RBFOX1: variants seen among roughly 807,000 people sequenced by gnomAD.
RBFOX1 encodes RNA binding fox-1 homolog 1.
A neutral mutation model predicts 57.7 loss-of-function variants in RBFOX1; 8 were observed. That is an observed-to-expected ratio of 0.14 (90% CI 0.08 to 0.25). The LOEUF (loss-of-function observed/expected upper bound fraction) is 0.25. Ranked by LOEUF, RBFOX1 falls within the 10% of genes least tolerant of loss-of-function variation. The pLI is 1.00. For missense variants in RBFOX1, 611 were observed against 548.5 expected, an observed-to-expected ratio of 1.11 and a Z score of -1.14; for synonymous variants, 326 against 222.4, an observed-to-expected ratio of 1.47 and a Z score of -4.15.
At chr16:7,471,994 A>T (rs978491246) in intron 4 of RBFOX1, among the ~76,000 whole-genome samples, 1 of 152,190 alleles carries the variant, frequency 6.6e-6, no homozygotes, top group African/African-American at 2.4e-5. Context: ...ACAGAGTACA[A>T]ATGAGGTAGT....
In RBFOX1 at chr16:5,469,973, A is replaced by G. The variant is rs538023345; in HGVS notation, c.258+2719A>G. Among the ~76,000 whole-genome samples the G allele has an allele frequency of 2.0e-5, 3 of 152,224 alleles. No homozygotes were observed. The East Asian group carries it at 5.8e-4, about 29-fold the overall frequency. On this transcript the variant is annotated intron_variant, in intron 2 of 2. Coordinates refer to the RBFOX1 transcript ENST00000585867. Reference sequence around the variant, plus strand: ...CCACCATAAACATTTGTGCCCATGTACTTGTCTGAGTTCCTGTTTTTGGTT... The same window carrying G: ...CCACCATAAACATTTGTGCCCATGTGCTTGTCTGAGTTCCTGTTTTTGGTT...
Position 6,329,515 on chromosome 16 carries a change from G to T in RBFOX1, c.-64+12458G>T, listed in dbSNP as rs186983480. The stretch of plus-strand genomic sequence containing the variant: ...CTGAGACAAAAGTTCCAGTGGGACT[G>T]TAAGTCTCATCAAAGAAATAGTGAC... On this transcript the variant is annotated intron_variant, in intron 2 of 15. Coordinates refer to ENST00000550418, the MANE Select transcript of RBFOX1 (RefSeq NM_018723.4). Among the ~76,000 whole-genome samples, 24 of 152,294 alleles carry T rather than the reference G, an allele frequency of 1.6e-4. No homozygotes were observed. In the East Asian group the frequency reaches 3.7e-3, roughly 23 times the overall value.
intron 3 of RBFOX1, among the ~76,000 whole-genome samples, chr16:6,687,715 G>T (rs573741460): frequency 9.9e-5 from 15 of 152,204 alleles, no homozygotes; most frequent in African/African-American, 3.4e-4. Flanking sequence ...TGCAGCGGCC[G>T]GGGAGGACAG....
At chr16:7,181,261 C>G (rs1036545687) in intron 4 of RBFOX1, among the ~76,000 whole-genome samples, 1 of 152,154 alleles carries the variant, frequency 6.6e-6, no homozygotes, top group Non-Finnish European at 1.5e-5. Context: ...GTCATGAGAA[C>G]TGAAGGAGTA....
At chr16:7,661,661 G>T (rs1269047596) in intron 12 of RBFOX1, among the ~76,000 whole-genome samples, 1 of 152,198 alleles carries the variant, frequency 6.6e-6, no homozygotes, top group East Asian at 1.9e-4. Context: ...CTCTGGGAGG[G>T]CAGGGTTACT....
At position 6,946,707 on chromosome 16, in the gene RBFOX1, A is replaced by T. The variant is rs116606978; in HGVS notation, c.-15-105350A>T. Among the ~76,000 whole-genome samples, 960 of 152,076 alleles carry T rather than the reference A, an allele frequency of 6.3e-3. 15 individuals carry two copies. Among genetic ancestry groups the T allele is most frequent in the African/African-American group, 0.022 (920 of 41,450 alleles). The stretch of plus-strand genomic sequence containing the variant: ...AATCTCAAACTCCTGGGCTCAAGTG[A>T]TCCTCTTGCCTGAGTCTCCCAAATA... On this transcript the variant is annotated intron_variant, in intron 3 of 15. Coordinates refer to ENST00000550418, the MANE Select transcript of RBFOX1 (RefSeq NM_018723.4).
intron 3 of RBFOX1, among the ~76,000 whole-genome samples, chr16:5,729,127 G>C (rs553296667): frequency 9.2e-5 from 14 of 152,330 alleles, no homozygotes; most frequent in African/African-American, 3.4e-4. Flanking sequence ...GTTGAACATA[G>C]ACTTTGGAAA....
At chr16:5,440,402 T>C (rs543629109) in intron 1 of RBFOX1, among the ~76,000 whole-genome samples, 1 of 152,372 alleles carries the variant, frequency 6.6e-6, no homozygotes, top group Non-Finnish European at 1.5e-5. Flanking sequence ...GATAAAGCTA[T>C]GGGTTATCTT....
intron 2 of RBFOX1, among the ~76,000 whole-genome samples, chr16:5,551,531 C>G (rs1056809810): frequency 6.6e-6 from 1 of 152,206 alleles, no homozygotes; most frequent in African/African-American, 2.4e-5. Flanking sequence ...TCCGAATCCA[C>G]TCTGCTTTGG....
chr16:5,591,753 C>G (rs1173445459), intron 2 of RBFOX1, among the ~76,000 whole-genome samples: 1 of 152,158 alleles, frequency 6.6e-6, no homozygotes, highest in Non-Finnish European at 1.5e-5. Context: ...TTCACTATAA[C>G]TTATTTACTT....
chr16:6,984,895 C>T (rs1259227483), intron 3 of RBFOX1, among the ~76,000 whole-genome samples: 1 of 152,100 alleles, frequency 6.6e-6, no homozygotes, highest in African/African-American at 2.4e-5. Flanking sequence ...CCTGCCTCAG[C>T]CTCCCAAAGT....
upstream of RBFOX1, among the ~76,000 whole-genome samples, chr16:6,017,116 A>G (rs1300672121): frequency 6.6e-6 from 1 of 152,212 alleles, no homozygotes; most frequent in Non-Finnish European, 1.5e-5. Context: ...GTAAATATAT[A>G]TATGTATTAA....
In RBFOX1 at chr16:6,645,087, G is replaced by T. The variant is rs149430315; in HGVS notation, c.-63-9516G>T. 4.3e-4 allele frequency among the ~76,000 whole-genome samples: 65 copies of T among 152,278 alleles called. 3 individuals carry two copies. In the East Asian group the frequency reaches 0.012, roughly 28 times the overall value. On this transcript the variant is annotated intron_variant, in intron 2 of 15. Transcript: ENST00000550418. ...AAGATTCATCTTTGCCTCTTCCAGT[G>T]TCTGGTAGCTTAGTGTCACATGACT...
chr16:6,541,740 C>T (rs2096822743), intron 2 of RBFOX1, among the ~76,000 whole-genome samples: 1 of 152,010 alleles, frequency 6.6e-6, no homozygotes, highest in Non-Finnish European at 1.5e-5. Context: ...TAGCTGTGGG[C>T]AGGAGCTAAT....
intron 3 of RBFOX1, among the ~76,000 whole-genome samples, chr16:6,966,084 C>G (rs2084082157): frequency 6.6e-6 from 1 of 152,116 alleles, no homozygotes; most frequent in Admixed American, 6.5e-5. Context: ...GATTTTTACT[C>G]TATCACGGGG....
At chr16:6,012,201 A>AAAT in intron 4 of RBFOX1, among the ~76,000 whole-genome samples, 1 of 152,300 alleles carries the variant, frequency 6.6e-6, no homozygotes, top group Admixed American at 6.5e-5. Context: ...ATTTCTCTAG[A>AAAT]CCTCATCTGT....
chr16:7,690,299 G>C (rs1481793140), intron 14 of RBFOX1, among the ~76,000 whole-genome samples: 1 of 152,098 alleles, frequency 6.6e-6, no homozygotes, highest in Non-Finnish European at 1.5e-5. Context: ...ATTTTCAAAC[G>C]AAGAACGTTA....
intron 1 of RBFOX1, among the ~76,000 whole-genome samples, chr16:5,301,819 C>T (rs1416427272): frequency 6.6e-6 from 1 of 152,056 alleles, no homozygotes; most frequent in Non-Finnish European, 1.5e-5. Flanking sequence ...TGTTTTAAGT[C>T]ACTAAGTTTT....
At chr16:5,721,511 A>G (rs1039956000) in intron 3 of RBFOX1, among the ~76,000 whole-genome samples, 3 of 152,150 alleles carry the variant, frequency 2.0e-5, no homozygotes, top group African/African-American at 7.2e-5. Flanking sequence ...TGTTGAATAG[A>G]TGAGATGACA....
Sources: allele counts gnomAD v4.1 joint callset (sites outside exome capture counted in the v4.1 genomes callset), GRCh38; gene constraint gnomAD v4.1.1; transcripts MANE v1.5; gene names NCBI Gene and HGNC (gene_info 2026-07-23, HGNC 2026-07-21).